The following TAF4 variants were observed in gnomAD, a reference collection of about 807,000 sequenced individuals.
TAF4 encodes the protein transcription initiation factor TFIID subunit 4.
A neutral mutation model predicts 90.3 loss-of-function variants in TAF4; 9 were observed. The ratio of observed to expected loss-of-function variants is 0.10; its 90% CI spans 0.06 to 0.17. The LOEUF (loss-of-function observed/expected upper bound fraction) is 0.17. TAF4 is among the 10% of genes least tolerant of loss of function. The pLI is 1.00. For synonymous variants in TAF4, 818 were observed against 638.9 expected, an observed-to-expected ratio of 1.28 and a Z score of -4.23; for missense variants, 1,351 against 1,370.7, an observed-to-expected ratio of 0.99 and a Z score of 0.23.
chr20:61,990,229 T>A (rs549487446), intron 14 of TAF4, among the ~76,000 whole-genome samples: 9 of 152,142 alleles, frequency 5.9e-5, no homozygotes, highest in Non-Finnish European at 1.3e-4. Flanking sequence ...CGCAAACACA[T>A]GTGGTGTAGC....
In TAF4 at chr20:62,065,776, A is replaced by C. The variant is rs1398992161; in HGVS notation, c.35T>G (p.Phe12Cys). 7.5e-7 allele frequency: 1 copy of C among 1,338,520 alleles called. No homozygotes were observed. Among genetic ancestry groups the C allele is most frequent in the Non-Finnish European group, 9.7e-7 (1 of 1,026,458 alleles). 82.9% of individuals were successfully genotyped at this position (1,338,520 alleles called of 1,614,324 possible). A position where few individuals can be genotyped will look rare whatever the true frequency, so the allele number is the denominator to read the frequency against. Residue 12 changes from phenylalanine to cysteine, a missense_variant, in exon 1 of 15, where the codon TTC becomes TGC. Physicochemically the swap from Phe to Cys is radical, Grantham distance 205. This residue lies in a region of TAF4 where 782 missense variants were observed against 536.6 expected (regional missense o/e 1.46). Transcript: ENST00000252996. ...TTTCTCGTCCACCTCGCTGTTGAAG[A>C]AGACCTCGTCCAGCAGATCCGAGCC... ...AAGSDLLDEV[F>C]FNSEVDEKVV...
chr20:62,001,471 G>A (rs1260891821), intron 9 of TAF4, among the ~76,000 whole-genome samples: 3 of 152,258 alleles, frequency 2.0e-5, no homozygotes, highest in South Asian at 4.1e-4. Flanking sequence ...GTGAGGAGAT[G>A]TGAGCTAAGA....
chr20:62,058,149 T>C, intron 1 of TAF4, among the ~76,000 whole-genome samples: 6 of 170 alleles, frequency 0.035, no homozygotes, highest in Non-Finnish European at 0.043. Context: ...CGGACACAGG[T>C]CTACACACCA....
At chr20:61,989,815 A>G (rs2123109467) in intron 14 of TAF4, among the ~76,000 whole-genome samples, 1 of 152,338 alleles carries the variant, frequency 6.6e-6, no homozygotes, top group African/African-American at 2.4e-5. Context: ...GAACGAATAA[A>G]CCAACGAGGA....
chr20:61,994,301 G>GGGCCC, intron 14 of TAF4, among the ~76,000 whole-genome samples: 1 of 152,232 alleles, frequency 6.6e-6, no homozygotes, highest in Non-Finnish European at 1.5e-5. Flanking sequence ...GTGAGTGCAG[G>GGGCCC]TTCCTGCTGG....
At chr20:62,063,750 GAC>G (rs926607408) in intron 1 of TAF4, among the ~76,000 whole-genome samples, 4 of 152,226 alleles carry the variant, frequency 2.6e-5, no homozygotes, top group African/African-American at 7.2e-5. Flanking sequence ...AAGAGACAGT[GAC>G]ACACACGGTG....
chr20:62,016,932 TC>T (rs1367075654), intron 1 of TAF4, among the ~76,000 whole-genome samples: 1 of 151,936 alleles, frequency 6.6e-6, no homozygotes, highest in Non-Finnish European at 1.5e-5. Flanking sequence ...TGAGGCTGGT[TC>T]GAGACCAGAC....
At chr20:62,012,292 C>T (rs766868544) in intron 3 of TAF4, 1 of 152,432 alleles carries the variant, frequency 6.6e-6, no homozygotes, top group Non-Finnish European at 1.5e-5. Context: ...CAGAGCCTCC[C>T]TTGCCTCAGT....
At chr20:61,993,403 C>A (rs1259335013) in intron 14 of TAF4, among the ~76,000 whole-genome samples, 1 of 152,168 alleles carries the variant, frequency 6.6e-6, no homozygotes, top group Non-Finnish European at 1.5e-5. Flanking sequence ...ACAAGGGCAC[C>A]GCCAGCAATC....
At position 62,065,032 on chromosome 20, in the gene TAF4, G is replaced by T. The variant is rs1333475470; in HGVS notation, c.779C>A (p.Ala260Asp). 5.6e-5 allele frequency: 30 copies of T among 534,630 alleles called. No individual in the cohort carries two copies. The highest frequency in any genetic ancestry group is 6.6e-5 in the Non-Finnish European group (28 of 426,518). 33.1% of individuals were successfully genotyped at this position (534,630 alleles called of 1,614,324 possible). A position where few individuals can be genotyped will look rare whatever the true frequency, so the allele number is the denominator to read the frequency against. ...GGCGGCGGGGGCGGCGGGCGCGGGGGCGGCGGGGGGCGAGGGCGCGGCGGG... is the reference window on the plus strand; with the variant it reads ...GGCGGCGGGGGCGGCGGGCGCGGGGTCGGCGGGGGGCGAGGGCGCGGCGGG... The part of the protein sequence containing the change: ...PAPAAPSPPA[A>D]PAPAAPAAAP... The change falls in exon 1 of 15, where the codon GCC (alanine) becomes GAC (aspartate). Residue 260 changes from alanine (A) to aspartate (D), a missense_variant. Ala to Asp is a moderately radical substitution (Grantham distance 126). This residue lies in a region of TAF4 where 782 missense variants were observed against 536.6 expected (regional missense o/e 1.46). Transcript: ENST00000252996.
rs369628063 is a variant in TAF4 at position 61,999,086 on chromosome 20, G to T, written c.2810C>A (p.Ala937Glu). The T allele has an allele frequency of 6.2e-7, 1 of 1,614,070 alleles. No homozygotes were observed. The highest frequency in any genetic ancestry group is 8.5e-7 in the Non-Finnish European group (1 of 1,180,026). The change falls in exon 12 of 15, where the codon GCG (alanine) becomes GAG (glutamate). Residue 937 changes from alanine (A) to glutamate (E), a missense_variant. Physicochemically the swap from Ala to Glu is moderately radical, Grantham distance 107. Around this residue, in one of 9 missense-constraint regions of TAF4, gnomAD observed 95 missense variants for 151.3 expected, o/e 0.63. Coordinates refer to ENST00000252996, the MANE Select transcript of TAF4 (RefSeq NM_003185.4). The part of the protein sequence containing the change: ...SYKDDDRYEQ[A>E]SDVRAQLKFF... ...CTTGAGCTGTGCCCGGACGTCACTC[G>T]CCTGCTCATATCTGTCGTCATCCTA...
chr20:62,021,388 G>C (rs1299455868), intron 1 of TAF4, among the ~76,000 whole-genome samples: 1 of 152,282 alleles, frequency 6.6e-6, no homozygotes, highest in African/African-American at 2.4e-5. Context: ...CGGAGGGCCA[G>C]GGCGCTGGGG....
intron 2 of TAF4, 148 bp downstream of exon 2, chr20:62,014,399 G>A (rs28382046): frequency 0.01 from 11,244 of 1,079,262 alleles, 282 homozygotes; most frequent in African/African-American, 0.082. Context: ...GCCCATCCTA[G>A]ATGGGACGGA....
chr20:62,051,361 C>T (rs953947271), intron 1 of TAF4, among the ~76,000 whole-genome samples: 3 of 152,122 alleles, frequency 2.0e-5, no homozygotes, highest in Admixed American at 1.3e-4. Flanking sequence ...AATCACAGGG[C>T]GTCACCGCCC....
At chr20:61,999,958 T>C (rs1022554671) in intron 11 of TAF4, among the ~76,000 whole-genome samples, 166 bp downstream of exon 11, 2 of 152,132 alleles carry the variant, frequency 1.3e-5, no homozygotes, top group Admixed American at 6.5e-5. Context: ...CAAAAAGAAA[T>C]CTTTCCAAAA....
chr20:62,012,827 C>A lies in TAF4; in HGVS notation c.1629G>T (p.Ser543=). 2 of 1,612,112 alleles carry A rather than the reference C, an allele frequency of 1.2e-6. No homozygotes were observed. The highest frequency in any genetic ancestry group is 1.7e-6 in the Non-Finnish European group (2 of 1,179,478). The part of the protein sequence containing the change: ...TVQPSATLQR[S]PGVQPQLVLG... ...CCTGCCCTCTCACCTGGACGCCGGG[C>A]GAGCGCTGCAGGGTTGCACTGGGCT... The change falls in exon 3 of 15, where the codon TCG becomes TCT. Residue 543 remains serine, a synonymous_variant. Transcript: ENST00000252996.
intron 1 of TAF4, 126 bp downstream of exon 1, chr20:62,064,325 G>A (rs1439836516): frequency 2.6e-6 from 3 of 1,140,618 alleles, no homozygotes; most frequent in African/African-American, 1.6e-5. Flanking sequence ...ACTGCCCCTC[G>A]GCCTGCTCCA....
At chr20:61,986,996 G>A (rs2045068477) in intron 14 of TAF4, among the ~76,000 whole-genome samples, 1 of 152,338 alleles carries the variant, frequency 6.6e-6, no homozygotes, top group African/African-American at 2.4e-5. Context: ...GTCTCCTTGA[G>A]ATACCTACTA....
intron 1 of TAF4, among the ~76,000 whole-genome samples, chr20:62,036,315 G>A (rs1465684982): frequency 6.6e-5 from 10 of 152,336 alleles, no homozygotes; most frequent in East Asian, 3.9e-4. Context: ...GTGAGCCACC[G>A]CGCCTGGCTC....
Sources: gnomAD v4.1 joint callset for allele counts (sites outside exome capture counted in the v4.1 genomes callset) on GRCh38, gnomAD v4.1.1 for gene constraint, gnomAD v4.1.1 regional missense constraint, MANE v1.5 for transcripts, NCBI Gene and HGNC (gene_info 2026-07-23, HGNC 2026-07-21) for gene names.